The following MAGI2 variants were observed in gnomAD, a reference collection of about 807,000 sequenced individuals.
The protein encoded by MAGI2 is membrane-associated guanylate kinase, WW and PDZ domain-containing protein 2.
MAGI2 carries 35 observed loss-of-function variants against 133.3 expected under a neutral mutation model. That is an observed-to-expected ratio of 0.26 (90% CI 0.20 to 0.35). The LOEUF (loss-of-function observed/expected upper bound fraction) is 0.35, where lower values mean the gene tolerates loss of function less well. Ranked by LOEUF, MAGI2 falls within the 10% of genes least tolerant of loss-of-function variation. The pLI is 1.00. For synonymous variants in MAGI2, 729 were observed against 710.6 expected (o/e 1.03, Z -0.41); for missense variants, 1,636 against 1,863.4 (o/e 0.88, Z 2.25).
intron 1 of MAGI2, among the ~76,000 whole-genome samples, chr7:79,328,960 G>A (rs2129088407): frequency 6.6e-6 from 1 of 152,306 alleles, no homozygotes; most frequent in South Asian, 2.1e-4. Flanking sequence ...GGAATTTGCA[G>A]AAATACAAAT....
intron 2 of MAGI2, among the ~76,000 whole-genome samples, chr7:78,766,747 G>T (rs549118953): frequency 6.6e-6 from 1 of 152,268 alleles, no homozygotes; most frequent in East Asian, 1.9e-4. Flanking sequence ...TATTCTTAGT[G>T]TGCCTAGGGA....
chr7:78,109,612 A>G (rs557557500), intron 20 of MAGI2, among the ~76,000 whole-genome samples: 1 of 152,264 alleles, frequency 6.6e-6, no homozygotes, highest in South Asian at 2.1e-4. Flanking sequence ...AGCCTGGGAG[A>G]CATAGCAAGA....
intron 1 of MAGI2, among the ~76,000 whole-genome samples, chr7:79,010,252 A>G (rs1482575986): frequency 7.9e-6 from 1 of 126,442 alleles, no homozygotes; most frequent in African/African-American, 2.9e-5. Context: ...TGTATGTGTG[A>G]TACATGTGTA....
At chr7:78,433,411 T>C (rs972340759) in intron 6 of MAGI2, among the ~76,000 whole-genome samples, 4 of 152,232 alleles carry the variant, frequency 2.6e-5, no homozygotes, top group African/African-American at 7.2e-5. Context: ...ATCTTATCTA[T>C]ATTCTTCTTG....
intron 2 of MAGI2, among the ~76,000 whole-genome samples, chr7:78,974,940 C>T (rs533296741): frequency 6.6e-6 from 1 of 151,622 alleles, no homozygotes; most frequent in Admixed American, 6.6e-5. Flanking sequence ...ACAAATATAG[C>T]ATTAGATAAT....
At chr7:79,315,633 T>A (rs1199749592) in intron 1 of MAGI2, among the ~76,000 whole-genome samples, 1 of 152,168 alleles carries the variant, frequency 6.6e-6, no homozygotes, top group Non-Finnish European at 1.5e-5. Flanking sequence ...TATCTATTTC[T>A]TAATTTGAAG....
At chr7:79,050,205 G>A (rs985056644) in intron 1 of MAGI2, among the ~76,000 whole-genome samples, 2 of 152,060 alleles carry the variant, frequency 1.3e-5, no homozygotes, top group African/African-American at 4.8e-5. Flanking sequence ...ATGCACACGT[G>A]GGGGCTGGCT....
At chr7:78,149,669 A>G (rs1019743125) in intron 16 of MAGI2, among the ~76,000 whole-genome samples, 3 of 152,238 alleles carry the variant, frequency 2.0e-5, no homozygotes, top group Non-Finnish European at 2.9e-5. Context: ...CCAGAAAACT[A>G]TAAGAACAAA....
chr7:78,809,396 G>A (rs76025645), intron 2 of MAGI2, among the ~76,000 whole-genome samples: 166 of 152,238 alleles, frequency 1.1e-3, no homozygotes, highest in African/African-American at 3.8e-3. Context: ...TTATTTCCTC[G>A]GGAGAAAAGT....
At chr7:78,807,921 C>T (rs1788720144) in intron 2 of MAGI2, among the ~76,000 whole-genome samples, 1 of 152,092 alleles carries the variant, frequency 6.6e-6, no homozygotes, top group South Asian at 2.1e-4. Context: ...TTGGAGCTTA[C>T]GCAGATAGTA....
chr7:79,423,211 T>C (rs1304967843), intron 1 of MAGI2, among the ~76,000 whole-genome samples: 4 of 109,106 alleles, frequency 3.7e-5, no homozygotes, highest in Non-Finnish European at 5.0e-5. Flanking sequence ...GAAATCGTTG[T>C]ACACATCATC....
At position 79,077,588 on chromosome 7, in the gene MAGI2, A is replaced by T. The variant is rs867845539; in HGVS notation, c.302-70382T>A. 3.7e-3 allele frequency among the ~76,000 whole-genome samples: 507 copies of T among 135,450 alleles called. 19 individuals are homozygous for T. Among genetic ancestry groups the T allele is most frequent in the South Asian group, 0.024 (102 of 4,242 alleles). The allele number at this position is 135,450 out of a possible 152,430, so 88.9% of individuals were successfully genotyped here. On this transcript the variant is annotated intron_variant, in intron 1 of 21. Transcript: ENST00000354212. ...AGACTGCCTCTCAAAAAAAAAAAAA[A>T]AAAAAAATAAATAAATAAATAAATT...
intron 1 of MAGI2, among the ~76,000 whole-genome samples, chr7:79,082,275 A>G (rs558643469): frequency 6.6e-6 from 1 of 152,206 alleles, no homozygotes; most frequent in African/African-American, 2.4e-5. Flanking sequence ...TTGGTGTGAT[A>G]TCTAAGAAAG....
In MAGI2 at chr7:79,122,075, G is replaced by A. The variant is rs182125127; in HGVS notation, c.302-114869C>T. ...TATAAATGTAGATGTTCAATTAATC[G>A]TTATTGCTTTTCATCTTGCTGGAAG... On this transcript the variant is annotated intron_variant, in intron 1 of 21. Coordinates refer to ENST00000354212, the MANE Select transcript of MAGI2 (RefSeq NM_012301.4). Among the ~76,000 whole-genome samples the A allele has an allele frequency of 4.3e-3, 653 of 152,198 alleles. 9 individuals carry two copies. Among genetic ancestry groups the A allele is most frequent in the Non-Finnish European group, 3.9e-3 (265 of 67,998 alleles).
chr7:78,383,789 A>G (rs1335266110), intron 6 of MAGI2, among the ~76,000 whole-genome samples: 1 of 151,986 alleles, frequency 6.6e-6, no homozygotes, highest in African/African-American at 2.4e-5. Context: ...AGTGAGAGAG[A>G]GGGATCCAGT....
At chr7:78,542,602 A>G (rs933066492) in intron 3 of MAGI2, among the ~76,000 whole-genome samples, 29 of 152,302 alleles carry the variant, frequency 1.9e-4, no homozygotes, top group African/African-American at 6.3e-4. Flanking sequence ...TGCCCACTAT[A>G]TGAAAAGCCA....
intron 9 of MAGI2, among the ~76,000 whole-genome samples, chr7:78,291,453 C>T (rs1430206719): frequency 3.9e-5 from 6 of 151,972 alleles, no homozygotes; most frequent in Non-Finnish European, 8.8e-5. Flanking sequence ...GCTTACCAAC[C>T]AAAAAAAGTC....
At chr7:78,254,409 T>C (rs1408268473) in intron 10 of MAGI2, 1 of 152,212 alleles carries the variant, frequency 6.6e-6, no homozygotes, top group South Asian at 2.1e-4. Flanking sequence ...TATGAAGATA[T>C]GGCTATTTAA....
intron 2 of MAGI2, among the ~76,000 whole-genome samples, chr7:78,733,602 G>A (rs577324194): frequency 1.3e-5 from 2 of 152,028 alleles, no homozygotes; most frequent in Non-Finnish European, 2.9e-5. Flanking sequence ...TAAGAAAAAT[G>A]CAGAGAAGTA....
Sources: gnomAD v4.1 joint callset for allele counts (sites outside exome capture counted in the v4.1 genomes callset) on GRCh38, gnomAD v4.1.1 for gene constraint, MANE v1.5 for transcripts, NCBI Gene and HGNC (gene_info 2026-07-23, HGNC 2026-07-21) for gene names.